PNKD: variants seen among roughly 807,000 people sequenced by gnomAD.
The protein encoded by PNKD is probable thioesterase PNKD.
A neutral mutation model predicts 45.3 loss-of-function variants in PNKD; 36 were observed. The ratio of observed to expected loss-of-function variants is 0.80; its 90% CI spans 0.61 to 1.05. The LOEUF (loss-of-function observed/expected upper bound fraction) is 1.05, where lower values mean the gene tolerates loss of function less well. PNKD is among the 50% of genes least tolerant of loss of function. The probability of loss-of-function intolerance (pLI) is 0.00; values close to 1 mark genes in which losing one functional copy is unlikely to be tolerated. For synonymous variants in PNKD, 197 were observed against 210.1 expected (o/e 0.94, Z 0.54); for missense variants, 511 against 506.6 (o/e 1.01, Z -0.08).
At chr2:218,316,562 T>C (rs1460126868) in intron 2 of PNKD, among the ~76,000 whole-genome samples, 2 of 152,194 alleles carry the variant, frequency 1.3e-5, no homozygotes, top group Non-Finnish European at 2.9e-5. Flanking sequence ...TGAGCCACTG[T>C]GCCCGGCCAG....
At chr2:218,290,055 G>C (rs1001299952) in intron 2 of PNKD, 5 of 152,198 alleles carry the variant, frequency 3.3e-5, no homozygotes, top group Admixed American at 2.6e-4. Flanking sequence ...GGGGAAAGGA[G>C]TAGGGACTTG....
intron 2 of PNKD, among the ~76,000 whole-genome samples, chr2:218,303,626 G>A (rs1282034296): frequency 4.2e-5 from 6 of 142,826 alleles, no homozygotes; most frequent in African/African-American, 1.5e-4. Flanking sequence ...GCCCAGGCTG[G>A]AATGCAGTGG....
intron 2 of PNKD, chr2:218,282,105 G>T: frequency 6.4e-7 from 1 of 1,555,138 alleles, no homozygotes. Flanking sequence ...AGGGGGTTGC[G>T]GTCTTCATAT....
At chr2:218,297,706 A>AAAAC (rs779518751) in intron 2 of PNKD, among the ~76,000 whole-genome samples, 13 of 117,198 alleles carry the variant, frequency 1.1e-4, no homozygotes, top group African/African-American at 2.5e-4. Context: ...AAAAAAAAAA[A>AAAAC]AGAGAGAAGA....
chr2:218,331,034 A>ATC (rs1440612121), intron 2 of PNKD, among the ~76,000 whole-genome samples: 1 of 152,238 alleles, frequency 6.6e-6, no homozygotes, highest in African/African-American at 2.4e-5. Context: ...AAGAAGCCGT[A>ATC]TCTCTGGTAA....
In PNKD at chr2:218,342,120, G is replaced by A. The variant is rs1694697264; in HGVS notation, c.757G>A (p.Asp253Asn). The A allele has an allele frequency of 6.2e-7, 1 of 1,613,592 alleles. No homozygotes were observed. Among genetic ancestry groups the A allele is most frequent in the African/African-American group, 1.3e-5 (1 of 74,930 alleles). The change falls in exon 7 of 10, where the codon GAC becomes AAC. Residue 253 changes from aspartate to asparagine, a missense_variant. Asp to Asn is a conservative substitution (Grantham distance 23, BLOSUM62 1). Transcript: ENST00000273077. The stretch of plus-strand genomic sequence containing the variant: ...GGGTCCCTCCTGCCTCTTCTCAGGG[G>A]ACCTGCTCTTCCTCTCTGGCTGTGG... The part of the protein sequence containing the change: ...YKGPSCLFSG[D>N]LLFLSGCGRT...
intron 2 of PNKD, among the ~76,000 whole-genome samples, chr2:218,325,631 C>A (rs575043342): frequency 1.3e-5 from 2 of 152,210 alleles, no homozygotes; most frequent in African/African-American, 4.8e-5. Context: ...TGAGGTCATA[C>A]AAATGGCCTG....
chr2:218,345,123 G>T lies in PNKD; in HGVS notation c.*142G>T. On this transcript the variant is annotated 3_prime_UTR_variant, in exon 10 of 10. Coordinates refer to ENST00000273077, the MANE Select transcript of PNKD (RefSeq NM_015488.5). Reference sequence around the variant, plus strand: ...CATCCCCCCACACTGCTCAGGGGAGGGGAGGGATCAGGCGATGAGACTGTG... The same window carrying T: ...CATCCCCCCACACTGCTCAGGGGAGTGGAGGGATCAGGCGATGAGACTGTG... The T allele has an allele frequency of 4.4e-6, 3 of 681,906 alleles. No individual in the cohort carries two copies. Among genetic ancestry groups the T allele is most frequent in the Non-Finnish European group, 7.4e-6 (3 of 403,392 alleles). The allele number at this position is 681,906 out of a possible 1,614,324, so 42.2% of individuals were successfully genotyped here. A position where few individuals can be genotyped will look rare whatever the true frequency, so the allele number is the denominator to read the frequency against.
chr2:218,278,597 G>A (rs772357296), intron 2 of PNKD: 51 of 1,612,994 alleles, frequency 3.2e-5, no homozygotes, highest in Non-Finnish European at 3.9e-5. Context: ...AGCAGTTCAG[G>A]CCCAAATCTG....
chr2:218,297,666 C>T (rs1574674036), intron 2 of PNKD, among the ~76,000 whole-genome samples: 1 of 51,086 alleles, frequency 2.0e-5, no homozygotes, highest in African/African-American at 8.1e-5. Context: ...GCCTGGGCAA[C>T]AGAAAAAGAC....
chr2:218,314,310 C>G (rs975432583), intron 2 of PNKD, among the ~76,000 whole-genome samples: 1 of 138,908 alleles, frequency 7.2e-6, no homozygotes, highest in African/African-American at 2.7e-5. Context: ...CAGCCTTTAC[C>G]TCCCAGGCCC....
chr2:218,277,571 AG>A, intron 2 of PNKD: 2 of 1,612,296 alleles, frequency 1.2e-6, no homozygotes, highest in Non-Finnish European at 1.7e-6. Flanking sequence ...CTGCCGGCCC[AG>A]GAACACCCCA....
chr2:218,343,704 G>C (rs528279260), intron 8 of PNKD, 118 bp downstream of exon 8: 53 of 755,928 alleles, frequency 7.0e-5, no homozygotes, highest in South Asian at 5.4e-4. Flanking sequence ...GCCCAGAAGC[G>C]ACACAGCTCC....
At chr2:218,304,762 T>A (rs560114385) in intron 2 of PNKD, among the ~76,000 whole-genome samples, 10 of 152,232 alleles carry the variant, frequency 6.6e-5, no homozygotes, top group Admixed American at 6.5e-4. Flanking sequence ...TCTCCAAGCC[T>A]TCGTTTGTTC....
At chr2:218,344,594 G>T (rs1268959047) in intron 9 of PNKD, 24 bp downstream of exon 9, 1 of 1,572,444 alleles carries the variant, frequency 6.4e-7, no homozygotes. Context: ...GGTCCAGGAG[G>T]AGCTGTGTGG....
chr2:218,272,520 G>T, intron 2 of PNKD: 2 of 1,597,146 alleles, frequency 1.3e-6, no homozygotes, highest in Non-Finnish European at 1.7e-6. Context: ...AGCTCCTCTG[G>T]CTCAGGCTTG....
In PNKD at chr2:218,344,856, A is replaced by C; in HGVS notation, c.1033A>C (p.Thr345Pro). Residue 345 changes from threonine to proline, a missense_variant, in exon 10 of 10, where the codon ACC becomes CCC. Transcript: ENST00000273077. ...GCGCTCCTACAACCCGTTCCTGAGAACCCACTGCCTGGCGCTACAGGAGGC... is the reference window on the plus strand; with the variant it reads ...GCGCTCCTACAACCCGTTCCTGAGACCCCACTGCCTGGCGCTACAGGAGGC... ...EERSYNPFLR[T>P]HCLALQEALG... The C allele has an allele frequency of 6.2e-7, 1 of 1,613,636 alleles. No individual in the cohort carries two copies. Among genetic ancestry groups the C allele is most frequent in the Non-Finnish European group, 8.5e-7 (1 of 1,179,784 alleles).
chr2:218,341,050 C>T (rs1385999844), intron 5 of PNKD, among the ~76,000 whole-genome samples: 1 of 152,234 alleles, frequency 6.6e-6, no homozygotes, highest in Non-Finnish European at 1.5e-5. Context: ...ACCTACTGCA[C>T]ACTGGGCATG....
At position 218,287,465 on chromosome 2, in the gene PNKD, T is replaced by A. The variant is rs1295094842; in HGVS notation, c.236+15916T>A. On this transcript the variant is annotated intron_variant, in intron 2 of 9. Transcript: ENST00000273077. ...TGGCTCATGCCTGTAATCCCAGCAC[T>A]TTGGGAGGCCGAGGCAGGTGGATCA... Among the ~76,000 whole-genome samples the A allele has an allele frequency of 2.0e-5, 3 of 152,052 alleles. No homozygotes were observed. The East Asian group carries it at 5.8e-4, about 29-fold the overall frequency.
Sources: allele counts gnomAD v4.1 joint callset (sites outside exome capture counted in the v4.1 genomes callset), GRCh38; gene constraint gnomAD v4.1.1; transcripts MANE v1.5; gene names NCBI Gene and HGNC (gene_info 2026-07-23, HGNC 2026-07-21).